The following AIMP1 variants were observed in gnomAD, a reference collection of about 807,000 sequenced individuals.
AIMP1 encodes aminoacyl tRNA synthase complex-interacting multifunctional protein 1.
AIMP1 carries 24 observed loss-of-function variants against 33.1 expected under a neutral mutation model. The ratio of observed to expected loss-of-function variants is 0.73; its 90% CI spans 0.53 to 1.02. AIMP1 has a LOEUF of 1.02. Among genes scored for constraint, AIMP1 ranks in the 50% least tolerant of loss-of-function variants. AIMP1 has a pLI of 0.00. For synonymous variants in AIMP1, 120 were observed against 121.5 expected (o/e 0.99, Z 0.08); for missense variants, 367 against 364.8 (o/e 1.01, Z -0.05).
At chr4:106,341,271 C>T (rs1309437425) in intron 6 of AIMP1, among the ~76,000 whole-genome samples, 1 of 152,090 alleles carries the variant, frequency 6.6e-6, no homozygotes, top group East Asian at 1.9e-4. Flanking sequence ...TCCCACTTGT[C>T]AACTTTTATT....
chr4:106,339,556 CAATT>C (rs1414569997), intron 6 of AIMP1, among the ~76,000 whole-genome samples: 8 of 152,210 alleles, frequency 5.3e-5, no homozygotes, highest in East Asian at 1.9e-4. Context: ...AACTGTGAGT[CAATT>C]AAACCTCTTT....
intron 6 of AIMP1, among the ~76,000 whole-genome samples, chr4:106,344,479 G>A (rs553927230): frequency 7.2e-5 from 11 of 152,132 alleles, no homozygotes; most frequent in African/African-American, 2.4e-4. Context: ...TGAACATACC[G>A]AAAATAATTA....
intron 6 of AIMP1, among the ~76,000 whole-genome samples, chr4:106,344,068 A>T (rs981510186): frequency 6.6e-6 from 1 of 152,074 alleles, no homozygotes; most frequent in Non-Finnish European, 1.5e-5. Flanking sequence ...TCTAGTTCTC[A>T]GTCTTATTAT....
intron 5 of AIMP1, among the ~76,000 whole-genome samples, chr4:106,332,593 T>C (rs997552541): frequency 1.4e-4 from 20 of 148,044 alleles, no homozygotes; most frequent in African/African-American, 4.9e-4. Flanking sequence ...AACCAAGTTA[T>C]GCTATATATA....
At chr4:106,317,544 G>A (rs1769001824) in intron 1 of AIMP1, among the ~76,000 whole-genome samples, 1 of 152,206 alleles carries the variant, frequency 6.6e-6, no homozygotes, top group Non-Finnish European at 1.5e-5. Flanking sequence ...CAATAATCCA[G>A]AGGAAGCATA....
intron 1 of AIMP1, among the ~76,000 whole-genome samples, chr4:106,320,805 T>C (rs1182582527): frequency 1.3e-5 from 2 of 152,186 alleles, no homozygotes; most frequent in East Asian, 1.9e-4. Context: ...GAGCCGAGGC[T>C]GGACTGTACT....
chr4:106,322,704 C>T (rs918061341), intron 1 of AIMP1, among the ~76,000 whole-genome samples: 2 of 152,010 alleles, frequency 1.3e-5, no homozygotes, highest in Non-Finnish European at 2.9e-5. Context: ...AGAGTCTGGG[C>T]GCCAGTGCAA....
At position 106,328,235 on chromosome 4, in the gene AIMP1, A is replaced by C. The variant is rs371028279; in HGVS notation, c.383A>C (p.Glu128Ala). Residue 128 changes from glutamate to alanine, a missense_variant, in exon 4 of 7, where the codon GAA (glutamate) becomes GCA (alanine). Physicochemically the swap from Glu to Ala is moderately radical, Grantham distance 107. Transcript: ENST00000672341. ...GDEKKAKEKIEKKGEKKEKKQ... is the reference protein window; with the variant it reads ...GDEKKAKEKIAKKGEKKEKKQ... The stretch of plus-strand genomic sequence containing the variant: ...GAAAAGAAAGCGAAAGAGAAAATTG[A>C]AAAGAAAGGTATTTTTGACCTTTAA... 69 of 1,607,570 alleles carry C rather than the reference A, an allele frequency of 4.3e-5. No homozygotes were observed. The African/African-American group carries it at 8.8e-4, about 21-fold the overall frequency.
intron 5 of AIMP1, among the ~76,000 whole-genome samples, chr4:106,332,601 A>G (rs1208072178): frequency 1.4e-5 from 2 of 145,490 alleles, no homozygotes; most frequent in African/African-American, 5.0e-5. Flanking sequence ...TATGCTATAT[A>G]TATACAGAGA....
chr4:106,316,457 A>G, upstream of AIMP1: 1 of 1,279,000 alleles, frequency 7.8e-7, no homozygotes, highest in Non-Finnish European at 1.1e-6. Context: ...GAAAGAATTG[A>G]GGGTTGAATC....
rs772851843 is a variant in AIMP1 at position 106,327,519 on chromosome 4, G to A, written c.178G>A (p.Glu60Lys). Reference protein sequence around the residue: ...VENAKLKKEIEELKQELIQAE... With the variant: ...VENAKLKKEIKELKQELIQAE... Reference sequence around the variant, plus strand: ...AAATGCTAAACTGAAGAAAGAAATTGAAGAACTGAAACAAGAGCTAATTCA... The same window carrying A: ...AAATGCTAAACTGAAGAAAGAAATTAAAGAACTGAAACAAGAGCTAATTCA... The change falls in exon 3 of 7, where the codon GAA becomes AAA. Residue 60 changes from glutamate to lysine, a missense_variant. By Grantham distance (56) the Glu-to-Lys change is moderately conservative. Coordinates refer to ENST00000672341, the MANE Select transcript of AIMP1 (RefSeq NM_001142416.2). 6.2e-7 allele frequency: 1 copy of A among 1,612,846 alleles called. No individual in the cohort carries two copies. Among genetic ancestry groups the A allele is most frequent in the Admixed American group, 1.7e-5 (1 of 59,966 alleles).
rs1770363091 is a variant in AIMP1, at chr4:106,347,832, A to G, written c.*140A>G. 2.4e-6 allele frequency: 2 copies of G among 842,578 alleles called. No individual in the cohort carries two copies. The highest frequency in any genetic ancestry group is 3.1e-5 in the Admixed American group (1 of 31,844). The allele number at this position is 842,578 out of a possible 1,614,324, so 52.2% of individuals were successfully genotyped here. A position where few individuals can be genotyped will look rare whatever the true frequency, so the allele number is the denominator to read the frequency against. ...ACTTGACTAGTCATTTACTTGGTAT[A>G]TATTGTTTTCATTGATTGGGGAAAC... On this transcript the variant is annotated 3_prime_UTR_variant, in exon 7 of 7. Coordinates refer to ENST00000672341, the MANE Select transcript of AIMP1 (RefSeq NM_001142416.2).
At chr4:106,319,442 G>T (rs959396804) in intron 1 of AIMP1, among the ~76,000 whole-genome samples, 2 of 152,128 alleles carry the variant, frequency 1.3e-5, no homozygotes, top group African/African-American at 4.8e-5. Context: ...GGCATCGTAT[G>T]ATTAATGGCT....
chr4:106,320,902 A>T (rs1482266581), intron 1 of AIMP1, among the ~76,000 whole-genome samples: 1 of 151,112 alleles, frequency 6.6e-6, no homozygotes, highest in South Asian at 2.1e-4. Flanking sequence ...GCGCGCCGCC[A>T]CTCCTGACTG....
In AIMP1 at chr4:106,337,013, A is replaced by G. The variant is rs1382363993; in HGVS notation, c.748A>G (p.Arg250Gly). The G allele has an allele frequency of 1.2e-6, 2 of 1,614,128 alleles. No homozygotes were observed. Among genetic ancestry groups the G allele is most frequent in the Admixed American group, 1.7e-5 (1 of 60,030 alleles). ...TCCAAATGGGTCTGTTCCTGGAGAC[A>G]GAATTACTTTTGATGCTTTCCCAGG... ...APPNGSVPGD[R>G]ITFDAFPGEP... The change falls in exon 6 of 7, where the codon AGA (arginine) becomes GGA (glycine). Residue 250 changes from arginine (R) to glycine (G), a missense_variant. Arg to Gly is a moderately radical substitution (Grantham distance 125, BLOSUM62 -2). Transcript: ENST00000672341.
rs550880532 is a variant in AIMP1, at chr4:106,327,623, A to C, written c.223+59A>C. ...AGTTAAGAAGTTGGCCAGTCACACC[A>C]ACAGTGAGGAAAGAAGTAAGAATCT... On this transcript the variant is annotated intron_variant, in intron 3 of 6. Coordinates refer to ENST00000672341, the MANE Select transcript of AIMP1 (RefSeq NM_001142416.2). 1.3e-5 allele frequency: 16 copies of C among 1,216,160 alleles called. No individual in the cohort carries two copies. The African/African-American group carries it at 2.4e-4, about 18-fold the overall frequency. The allele number at this position is 1,216,160 out of a possible 1,614,324, so 75.3% of individuals were successfully genotyped here.
chr4:106,332,560 T>C (rs1039146238), intron 5 of AIMP1, among the ~76,000 whole-genome samples: 2 of 150,692 alleles, frequency 1.3e-5, no homozygotes, highest in Non-Finnish European at 3.0e-5. Context: ...CACCCTCATT[T>C]ACAGATGACG....
intron 4 of AIMP1, 134 bp from the exon 5 acceptor site, chr4:106,331,538 A>G (rs1041026957): frequency 5.7e-5 from 41 of 715,164 alleles, no homozygotes; most frequent in Non-Finnish European, 9.3e-5. Flanking sequence ...GTTATTATTT[A>G]AGTGAAGGTA....
rs1459405005 is a variant in AIMP1, at chr4:106,327,423, T to C, written c.110-28T>C. 5 of 1,519,108 alleles carry C rather than the reference T, an allele frequency of 3.3e-6. No individual in the cohort carries two copies. In the South Asian group the frequency reaches 4.5e-5, roughly 14 times the overall value. 94.1% of individuals were successfully genotyped at this position (1,519,108 alleles called of 1,614,324 possible). A position where few individuals can be genotyped will look rare whatever the true frequency, so the allele number is the denominator to read the frequency against. ...TCATACAAAACCTCTTTTAAAAACATATTTTAACTGGATGTTCTTGATCCT... is the reference window on the plus strand; with the variant it reads ...TCATACAAAACCTCTTTTAAAAACACATTTTAACTGGATGTTCTTGATCCT... On this transcript the variant is annotated intron_variant, in intron 2 of 6. Transcript: ENST00000672341.
Sources: gnomAD v4.1 joint callset for allele counts (sites outside exome capture counted in the v4.1 genomes callset) on GRCh38, gnomAD v4.1.1 for gene constraint, MANE v1.5 for transcripts, NCBI Gene and HGNC (gene_info 2026-07-23, HGNC 2026-07-21) for gene names.